Variants in CUBN observed in about 807,000 individuals in gnomAD.
CUBN encodes the protein cubilin, also known as 460 kDa receptor.
Under a neutral mutation model 405.3 loss-of-function variants are expected in CUBN, and 282 were observed. The ratio of observed to expected loss-of-function variants is 0.70; its 90% CI spans 0.63 to 0.77. The LOEUF (loss-of-function observed/expected upper bound fraction) is 0.77. Among genes scored for constraint, CUBN ranks in the 30% least tolerant of loss-of-function variants. The pLI is 0.00. For missense variants in CUBN, 4,514 were observed against 4,475.2 expected (o/e 1.01, Z -0.25); for synonymous variants, 1,684 against 1,617.0 (o/e 1.04, Z -0.99).
intron 11 of CUBN, among the ~76,000 whole-genome samples, chr10:17,105,078 G>A (rs1325096969): frequency 6.6e-6 from 1 of 151,882 alleles, no homozygotes; most frequent in Non-Finnish European, 1.5e-5. Flanking sequence ...TGGGATTACA[G>A]GCATGAGCCA....
intron 51 of CUBN, 82 bp from the exon 52 acceptor site, chr10:16,901,541 C>T (rs1841371183): frequency 6.4e-7 from 1 of 1,552,910 alleles, no homozygotes; most frequent in African/African-American, 1.4e-5. Flanking sequence ...GTAATCATAA[C>T]CATCAGATTT....
chr10:16,990,533 T>C lies in CUBN; in HGVS notation c.4169-18A>G, dbSNP rs549123902. ...ACCACAACCTGTTAAAACAGAAAGGTTCAGTCAGTTCAAAGTGGGCAACAG... is the reference window on the plus strand; with the variant it reads ...ACCACAACCTGTTAAAACAGAAAGGCTCAGTCAGTTCAAAGTGGGCAACAG... On this transcript the variant is annotated intron_variant, in intron 28 of 66. Coordinates refer to ENST00000377833, the MANE Select transcript of CUBN (RefSeq NM_001081.4). The C allele has an allele frequency of 5.8e-5, 94 of 1,613,306 alleles. No individual in the cohort carries two copies. In the East Asian group the frequency reaches 1.5e-3, roughly 25 times the overall value.
chr10:16,928,771 T>C (rs1246825067), intron 40 of CUBN, among the ~76,000 whole-genome samples: 1 of 152,060 alleles, frequency 6.6e-6, no homozygotes, highest in East Asian at 1.9e-4. Flanking sequence ...TCTCAAGTGA[T>C]CCGCCCTCCT....
Position 17,047,479 on chromosome 10 carries a change from C to T in CUBN, c.3264G>A (p.Val1088=), listed in dbSNP as rs756767634. ...ITVRTGQLIA[V]HFTNFSLEEA... is the part of the protein sequence containing the mutation. ...CCTCCAAGGAGAAGTTTGTGAAGTG[C>T]ACTGCAATCAGTTGGCCAGTTCTCA... The change falls in exon 23 of 67, where the codon GTG becomes GTA. Residue 1088 remains valine, a synonymous_variant. Transcript: ENST00000377833. 2.5e-6 allele frequency: 4 copies of T among 1,613,970 alleles called. No individual in the cohort carries two copies. Among genetic ancestry groups the T allele is most frequent in the Admixed American group, 1.7e-5 (1 of 60,024 alleles).
chr10:17,066,019 G>T (rs538605872), intron 21 of CUBN, among the ~76,000 whole-genome samples: 2 of 152,240 alleles, frequency 1.3e-5, no homozygotes, highest in Admixed American at 1.3e-4. Flanking sequence ...TAAACTCATA[G>T]ATCACTCAAT....
At position 16,847,478 on chromosome 10, in the gene CUBN, A is replaced by G. The variant is rs558264211; in HGVS notation, c.9663+3757T>C. 1.5e-4 allele frequency among the ~76,000 whole-genome samples: 21 copies of G among 142,672 alleles called. No individual in the cohort carries two copies. The East Asian group carries it at 1.5e-3, about 10-fold the overall frequency. 93.6% of individuals were successfully genotyped at this position (142,672 alleles called of 152,430 possible). ...GCCTGGGCAAAACAGCAAGACTCCA[A>G]CTAAAAAAAAAAATGTATTTTATTT... On this transcript the variant is annotated intron_variant, in intron 60 of 66. Coordinates refer to ENST00000377833, the MANE Select transcript of CUBN (RefSeq NM_001081.4).
rs1443021786 is a variant in CUBN, at chr10:17,114,141, T to G, written c.769A>C (p.Ser257Arg). The G allele has an allele frequency of 6.2e-7, 1 of 1,613,692 alleles. No homozygotes were observed. Among genetic ancestry groups the G allele is most frequent in the Non-Finnish European group, 8.5e-7 (1 of 1,179,906 alleles). ...CDAGWMFSPNSPACTLDRDEC... is the reference protein window; with the variant it reads ...CDAGWMFSPNRPACTLDRDEC... ...TCTCTGTCCAGCGTGCAGGCAGGGCTGTTGGGTGAAAACATCCACCCAGCA... is the reference window on the plus strand; with the variant it reads ...TCTCTGTCCAGCGTGCAGGCAGGGCGGTTGGGTGAAAACATCCACCCAGCA... The change falls in exon 8 of 67, where the codon AGC (serine) becomes CGC (arginine). Residue 257 changes from serine (S) to arginine (R), a missense_variant. Coordinates refer to ENST00000377833, the MANE Select transcript of CUBN (RefSeq NM_001081.4).
chr10:17,128,356 G>C (rs891971473), intron 2 of CUBN, among the ~76,000 whole-genome samples: 1 of 152,206 alleles, frequency 6.6e-6, no homozygotes, highest in Non-Finnish European at 1.5e-5. Context: ...GGTCAAATGA[G>C]ATAACATCCA....
At chr10:16,965,732 C>A (rs1687709) in intron 31 of CUBN, 61,432 of 182,286 alleles carry the variant, frequency 0.34, 10,741 homozygotes, top group Middle Eastern at 0.43. Flanking sequence ...TTTAACATAG[C>A]GTTAATAGTA....
chr10:17,081,440 C>T (rs55933641), intron 17 of CUBN, among the ~76,000 whole-genome samples: 7,841 of 152,146 alleles, frequency 0.052, 602 homozygotes, highest in African/African-American at 0.17. Flanking sequence ...CAAAGTCAAC[C>T]CCCCTCTAAA....
chr10:16,954,635 T>G (rs777866018), intron 31 of CUBN, 87 bp from the exon 32 acceptor site: 1 of 1,375,840 alleles, frequency 7.3e-7, no homozygotes. Flanking sequence ...GCCGATATAC[T>G]AGTGGATAAT....
At chr10:16,874,637 T>C (rs1588610623) in intron 57 of CUBN, 134 bp from the exon 58 acceptor site, 2 of 1,055,370 alleles carry the variant, frequency 1.9e-6, no homozygotes, top group East Asian at 2.6e-5. Context: ...AAGTGACTTA[T>C]ATCTCCCTTC....
Position 16,840,901 on chromosome 10 carries a change from T to C in CUBN, c.9810A>G (p.Thr3270=), listed in dbSNP as rs1263990522. ...TTTACTCACTGTCCATGATGGTGTA[T>C]GTAGCATTAAATCCTTCCCTCTCTA... ...LTLEREGFNA[T]YTIMDMPCGG... Residue 3270 remains threonine, a synonymous_variant, in exon 61 of 67, where the codon ACA becomes ACG. Transcript: ENST00000377833. 21 of 1,611,616 alleles carry C rather than the reference T, an allele frequency of 1.3e-5. No homozygotes were observed. The highest frequency in any genetic ancestry group is 1.6e-5 in the Non-Finnish European group (19 of 1,178,626).
At chr10:16,966,777 G>A (rs1843403844) in intron 31 of CUBN, among the ~76,000 whole-genome samples, 2 of 152,178 alleles carry the variant, frequency 1.3e-5, no homozygotes, top group South Asian at 4.1e-4. Context: ...ACTCCAGATG[G>A]TAACACAGGT....
At chr10:16,950,163 A>C in intron 33 of CUBN, 52 bp from the exon 34 acceptor site, 7 of 1,308,584 alleles carry the variant, frequency 5.3e-6, no homozygotes, top group Non-Finnish European at 7.6e-6. Context: ...AATAAAACAT[A>C]CAGGGAGATG....
In CUBN at chr10:17,122,846, G is replaced by C; in HGVS notation, c.542C>G (p.Pro181Arg). The C allele has an allele frequency of 6.2e-7, 1 of 1,613,876 alleles. No individual in the cohort carries two copies. Among genetic ancestry groups the C allele is most frequent in the Non-Finnish European group, 8.5e-7 (1 of 1,179,928 alleles). ...TGTGCCTCCATTCTGGCAGCTCAAG[G>C]GTGTTCCTGAGTAAATCTCACATTC... ...VNECEIYSGT[P>R]LSCQNGGTCV... The change falls in exon 6 of 67, where the codon CCC becomes CGC. Residue 181 changes from proline to arginine, a missense_variant. Physicochemically the swap from Pro to Arg is moderately radical, Grantham distance 103 (BLOSUM62 -2). This residue lies in a region of CUBN where 1,448 missense variants were observed against 1,388.0 expected (regional missense o/e 1.04). Coordinates refer to ENST00000377833, the MANE Select transcript of CUBN (RefSeq NM_001081.4).
intron 28 of CUBN, among the ~76,000 whole-genome samples, chr10:16,997,750 T>C (rs1009949017): frequency 6.6e-6 from 1 of 152,162 alleles, no homozygotes; most frequent in Non-Finnish European, 1.5e-5. Context: ...GTGACTGGCA[T>C]GTAATGAGAA....
intron 56 of CUBN, among the ~76,000 whole-genome samples, chr10:16,882,822 C>G (rs1036590930): frequency 2.6e-5 from 4 of 151,942 alleles, no homozygotes; most frequent in African/African-American, 9.7e-5. Flanking sequence ...GAGACCAGCC[C>G]GGCCAACAAG....
chr10:16,956,243 T>C (rs917579718), intron 31 of CUBN, among the ~76,000 whole-genome samples: 5 of 152,242 alleles, frequency 3.3e-5, no homozygotes, highest in Admixed American at 2.0e-4. Context: ...CTAAAGCTCT[T>C]ACAATAATAA....
Sources: gnomAD v4.1 joint callset for allele counts (sites outside exome capture counted in the v4.1 genomes callset) on GRCh38, gnomAD v4.1.1 for gene constraint, gnomAD v4.1.1 regional missense constraint, MANE v1.5 for transcripts, NCBI Gene and HGNC (gene_info 2026-07-23, HGNC 2026-07-21) for gene names.